The following TCF20 variants were observed in gnomAD, a reference collection of about 807,000 sequenced individuals.
TCF20 encodes the protein transcription factor 20, also known as SPRE-binding protein.
Under a neutral mutation model 148.6 loss-of-function variants are expected in TCF20, and 3 were observed. The ratio of observed to expected loss-of-function variants is 0.02; its 90% confidence interval spans 0.01 to 0.05. The LOEUF is 0.05. TCF20 is among the 10% of genes least tolerant of loss of function. The pLI, the probability that TCF20 is intolerant of heterozygous loss-of-function variation, is 1.00. For synonymous variants in TCF20, 1,049 were observed against 909.5 expected (o/e 1.15, Z -2.76); for missense variants, 2,350 against 2,429.3 (o/e 0.97, Z 0.69).
chr22:42,335,176 G>A (rs1414648896), intron 1 of TCF20, among the ~76,000 whole-genome samples: 1 of 152,128 alleles, frequency 6.6e-6, no homozygotes, highest in East Asian at 1.9e-4. Flanking sequence ...CCAGGCAAGA[G>A]GGGTGGGGAA....
At position 42,262,255 on chromosome 22, in the gene TCF20, G is replaced by A. The variant is rs147040009; in HGVS notation, c.-37+8084C>T. The stretch of plus-strand genomic sequence containing the variant: ...AGGCAGACACCAGCAGAAATGAGGC[G>A]GCCATCATCATGTTCCAGGTAAGAG... On this transcript the variant is annotated intron_variant, in intron 1 of 5. Coordinates refer to ENST00000677622, the MANE Select transcript of TCF20 (RefSeq NM_001378418.1). Among the ~76,000 whole-genome samples the A allele has an allele frequency of 1.1e-3, 162 of 152,254 alleles. 2 individuals are homozygous for A. Among genetic ancestry groups the A allele is most frequent in the South Asian group, 6.2e-3 (30 of 4,820 alleles).
At chr22:42,243,743 G>T (rs77637240) in intron 1 of TCF20, among the ~76,000 whole-genome samples, 1,844 of 152,292 alleles carry the variant, frequency 0.012, 35 homozygotes, top group African/African-American at 0.042. Context: ...TTGAGGGAGG[G>T]TAAACAGGAA....
chr22:42,220,995 T>C (rs780153236), intron 1 of TCF20, among the ~76,000 whole-genome samples: 2 of 152,178 alleles, frequency 1.3e-5, no homozygotes, highest in Non-Finnish European at 2.9e-5. Context: ...CCAGTCCCTT[T>C]ATTAATCTTC....
intron 1 of TCF20, among the ~76,000 whole-genome samples, chr22:42,243,513 A>G (rs1032564861): frequency 1.3e-5 from 2 of 151,970 alleles, no homozygotes; most frequent in African/African-American, 4.8e-5. Context: ...GAGGCAGGAG[A>G]ATCGCTTGAA....
chr22:42,169,961 G>C, intron 3 of TCF20, 65 bp from the exon 4 acceptor site: 1 of 1,552,642 alleles, frequency 6.4e-7, no homozygotes. Flanking sequence ...GGTCATGCTG[G>C]CTGGGATTGA....
At chr22:42,286,381 T>C (rs898566955), upstream of TCF20, among the ~76,000 whole-genome samples, 2 of 151,948 alleles carry the variant, frequency 1.3e-5, no homozygotes, top group Non-Finnish European at 2.9e-5. Flanking sequence ...TGTCTGGTTT[T>C]AAATCCTGGC....
chr22:42,182,903 CTT>C (rs1396272088), intron 2 of TCF20, among the ~76,000 whole-genome samples: 4 of 151,984 alleles, frequency 2.6e-5, no homozygotes, highest in African/African-American at 7.3e-5. Context: ...CACCTGGCAA[CTT>C]TTTGTTTTTT....
At chr22:42,243,734 T>C (rs1246956295) in intron 1 of TCF20, among the ~76,000 whole-genome samples, 1 of 152,166 alleles carries the variant, frequency 6.6e-6, no homozygotes, top group Non-Finnish European at 1.5e-5. Context: ...ATGGTTGGAT[T>C]GAGGGAGGGT....
rs575344523 is a variant in TCF20, at chr22:42,317,330, A to T, written c.-37+26149T>A. On this transcript the variant is annotated intron_variant, in intron 1 of 1. Transcript: ENST00000515426. This position sits in a 1 kb window ranked among gnomAD's most constrained non-coding sequence, Gnocchi z 4.2. ...TGGCAATATTTCACCTCGCCCAGAA[A>T]TTTACTGCAAGTTCTCAAGTCTCCC... 7.9e-5 allele frequency among the ~76,000 whole-genome samples: 12 copies of T among 152,292 alleles called. No homozygotes were observed. The highest frequency in any genetic ancestry group is 3.4e-3 in the Middle Eastern group (1 of 294).
At chr22:42,320,916 C>T (rs573476887) in intron 1 of TCF20, among the ~76,000 whole-genome samples, 169 of 152,330 alleles carry the variant, frequency 1.1e-3, no homozygotes, top group Admixed American at 4.1e-3. Context: ...GCGCCAGGCA[C>T]ACTCACAGCT....
intron 1 of TCF20, among the ~76,000 whole-genome samples, chr22:42,221,505 G>A (rs942189286): frequency 1.3e-5 from 2 of 152,132 alleles, no homozygotes; most frequent in Non-Finnish European, 2.9e-5. Flanking sequence ...ATTGCCACTT[G>A]GGGAATGAGA....
intron 2 of TCF20, among the ~76,000 whole-genome samples, chr22:42,187,285 C>A (rs927764230): frequency 6.6e-6 from 1 of 152,192 alleles, no homozygotes; most frequent in African/African-American, 2.4e-5. Flanking sequence ...AACACTCACA[C>A]AAACTTTCTT....
At chr22:42,241,843 G>A (rs558526309) in intron 1 of TCF20, among the ~76,000 whole-genome samples, 6 of 151,030 alleles carry the variant, frequency 4.0e-5, no homozygotes, top group East Asian at 4.0e-4. Flanking sequence ...TCAAAAAAAC[G>A]CAGATTAGTC....
rs550841417 is a variant in TCF20, at chr22:42,338,064, G to A, written c.-37+5415C>T. The stretch of plus-strand genomic sequence containing the variant: ...AGGGAGGGGGTACTGGGCCCCACCT[G>A]GGTCCAGTGGGGGCATGCGTCCCAG... On this transcript the variant is annotated intron_variant, in intron 1 of 1. Coordinates refer to the TCF20 transcript ENST00000515426. This position sits in a 1 kb window ranked among gnomAD's most constrained non-coding sequence, Gnocchi z 4.0. Among the ~76,000 whole-genome samples, 1 of 152,286 alleles carries A rather than the reference G, an allele frequency of 6.6e-6. No individual in the cohort carries two copies. The highest frequency in any genetic ancestry group is 2.4e-5 in the African/African-American group (1 of 41,556).
chr22:42,186,761 C>A (rs539606537), intron 2 of TCF20, among the ~76,000 whole-genome samples: 96 of 152,342 alleles, frequency 6.3e-4, no homozygotes, highest in African/African-American at 2.3e-3. Context: ...CCTCTCAATT[C>A]TCCTATCTGG....
rs1442957856 is a variant in TCF20, at chr22:42,211,516, T to G, written c.3790A>C (p.Ile1264Leu). 6.2e-7 allele frequency: 1 copy of G among 1,614,184 alleles called. No homozygotes were observed. The highest frequency in any genetic ancestry group is 8.5e-7 in the Non-Finnish European group (1 of 1,180,030). Residue 1264 changes from isoleucine to leucine, a missense_variant, in exon 2 of 6, where the codon ATT (isoleucine) becomes CTT (leucine). Ile to Leu is a conservative substitution (Grantham distance 5). Around this residue, in one of 7 missense-constraint regions of TCF20, gnomAD observed 1,641 missense variants for 1,662.6 expected, o/e 0.99. Coordinates refer to ENST00000677622, the MANE Select transcript of TCF20 (RefSeq NM_001378418.1). ...RRRVRSFISPIPSKRQSQDVK... is the reference protein window; with the variant it reads ...RRRVRSFISPLPSKRQSQDVK... ...TCTTGTGACTGTCTCTTACTGGGAA[T>G]GGGAGAGATAAAAGAACGAACACGC...
chr22:42,210,821 C>A lies in TCF20; in HGVS notation c.4485G>T (p.Lys1495Asn), dbSNP rs150835716. Reference sequence around the variant, plus strand: ...CCAATATGCCCACTGGAGGTACATTCTTTGAGTCTGGAAAGATTAAAGGTG... The same window carrying A: ...CCAATATGCCCACTGGAGGTACATTATTTGAGTCTGGAAAGATTAAAGGTG... ...GTAPLIFPDSKNVPPVGILAP... is the reference protein window; with the variant it reads ...GTAPLIFPDSNNVPPVGILAP... The change falls in exon 2 of 6, where the codon AAG (lysine) becomes AAT (asparagine). Residue 1495 changes from lysine (K) to asparagine (N), a missense_variant. Transcript: ENST00000677622. This position sits in a 1 kb window ranked among gnomAD's most constrained non-coding sequence, Gnocchi z 4.7. The A allele has an allele frequency of 1.9e-6, 3 of 1,614,090 alleles. No homozygotes were observed. In the African/African-American group the frequency reaches 4.0e-5, roughly 22 times the overall value.
At chr22:42,254,216 T>C (rs1040833613) in intron 1 of TCF20, among the ~76,000 whole-genome samples, 6 of 152,172 alleles carry the variant, frequency 3.9e-5, no homozygotes, top group African/African-American at 1.4e-4. Context: ...TTCTAGATGC[T>C]GGGAATATGA....
Position 42,213,426 on chromosome 22 carries a change from G to A in TCF20, c.1880C>T (p.Ser627Phe). 6.2e-7 allele frequency: 1 copy of A among 1,614,128 alleles called. No homozygotes were observed. The highest frequency in any genetic ancestry group is 8.5e-7 in the Non-Finnish European group (1 of 1,180,034). Reference protein sequence around the residue: ...VEKPGGQDKGSQEDDPAATQR... With the variant: ...VEKPGGQDKGFQEDDPAATQR... ...AGTGGCTGCAGGATCATCCTCTTGG[G>A]AGCCTTTATCTTGTCCACCAGGCTT... The change falls in exon 2 of 6, where the codon TCC (serine) becomes TTC (phenylalanine). Residue 627 changes from serine (S) to phenylalanine (F), a missense_variant. Coordinates refer to ENST00000677622, the MANE Select transcript of TCF20 (RefSeq NM_001378418.1).
Sources: allele counts gnomAD v4.1 joint callset (sites outside exome capture counted in the v4.1 genomes callset), GRCh38; gene constraint gnomAD v4.1.1; regional missense constraint gnomAD v4.1.1; non-coding constraint Gnocchi (gnomAD v3.1); transcripts MANE v1.5; gene names NCBI Gene and HGNC (gene_info 2026-07-23, HGNC 2026-07-21).